LOC128092252: variants seen among roughly 807,000 people sequenced by gnomAD.
the LOC128092252 span, among the ~76,000 whole-genome samples, chr15:50,673,725 G>A: frequency 3.3e-5 from 5 of 151,924 alleles, no homozygotes; most frequent in African/African-American, 9.7e-5. Flanking sequence ...TATGAATTAC[G>A]CTGCTATAAA....
At chr15:50,673,629 C>A in the LOC128092252 span, among the ~76,000 whole-genome samples, 1 of 149,446 alleles carries the variant, frequency 6.7e-6, no homozygotes, top group African/African-American at 2.6e-5. Context: ...GAGAAGTATT[C>A]CCTCGTATAT....
chr15:50,648,912 ACCCTTC>A, the LOC128092252 span: 2 of 1,529,856 alleles, frequency 1.3e-6, no homozygotes, highest in Admixed American at 2.0e-5. Flanking sequence ...AGATTAAAAC[ACCCTTC>A]AAAAAATTAG....
the LOC128092252 span, chr15:50,686,643 G>A: frequency 6.9e-7 from 1 of 1,456,914 alleles, no homozygotes. Flanking sequence ...GAGGCCGCCG[G>A]ACAAGGAACG....
At chr15:50,680,177 G>A in the LOC128092252 span, among the ~76,000 whole-genome samples, 5 of 150,322 alleles carry the variant, frequency 3.3e-5, no homozygotes, top group Non-Finnish European at 7.4e-5. Context: ...GAGGCTGCAG[G>A]GAGCTGAGAT....
the LOC128092252 span, among the ~76,000 whole-genome samples, chr15:50,668,056 T>G: frequency 1.3e-5 from 2 of 152,236 alleles, no homozygotes; most frequent in South Asian, 4.1e-4. Flanking sequence ...AATCGTGTCT[T>G]TGACTATGGC....
the LOC128092252 span, among the ~76,000 whole-genome samples, chr15:50,680,862 C>T: frequency 6.6e-6 from 1 of 152,188 alleles, no homozygotes; most frequent in Non-Finnish European, 1.5e-5. Flanking sequence ...ACTTATTAGC[C>T]TTGTGACCGT....
chr15:50,686,670 C>T, the LOC128092252 span: 1 of 1,203,014 alleles, frequency 8.3e-7, no homozygotes, highest in Non-Finnish European at 1.2e-6. Context: ...GAAACCTTCT[C>T]AGAACTAACT....
chr15:50,651,148 C>T, the LOC128092252 span, among the ~76,000 whole-genome samples: 1 of 152,190 alleles, frequency 6.6e-6, no homozygotes, highest in African/African-American at 2.4e-5. Flanking sequence ...TATGGTGCCA[C>T]TGCACTCCAG....
the LOC128092252 span, among the ~76,000 whole-genome samples, chr15:50,686,291 G>A: frequency 6.6e-6 from 1 of 152,218 alleles, no homozygotes; most frequent in Non-Finnish European, 1.5e-5. Flanking sequence ...TGGGAGCCGA[G>A]TCTCGGCTCA....
chr15:50,684,187 C>T, the LOC128092252 span, among the ~76,000 whole-genome samples: 11 of 150,582 alleles, frequency 7.3e-5, no homozygotes, highest in Admixed American at 6.6e-4. Context: ...GAGTCTCACT[C>T]TGTCACCCAG....
chr15:50,657,542 G>A, the LOC128092252 span, among the ~76,000 whole-genome samples: 1 of 152,060 alleles, frequency 6.6e-6, no homozygotes, highest in Non-Finnish European at 1.5e-5. Context: ...TGCTCTCGCT[G>A]CCTAAAATTC....
chr15:50,678,239 CAAAAAA>C, the LOC128092252 span, among the ~76,000 whole-genome samples: 39 of 92,102 alleles, frequency 4.2e-4, 1 homozygote, highest in African/African-American at 1.2e-3. Context: ...GACTCTCTCT[CAAAAAA>C]AAAAAACAAA....
the LOC128092252 span, among the ~76,000 whole-genome samples, chr15:50,667,679 C>A: frequency 2.6e-5 from 4 of 152,070 alleles, no homozygotes; most frequent in African/African-American, 9.7e-5. Context: ...TGCACTCCAG[C>A]CTGGGCAACA....
chr15:50,657,762 A>G, the LOC128092252 span: 1 of 1,609,726 alleles, frequency 6.2e-7, no homozygotes. Context: ...TTTGTGCGGT[A>G]TAGTTATGTT....
chr15:50,673,885 T>C, the LOC128092252 span, among the ~76,000 whole-genome samples: 5 of 152,228 alleles, frequency 3.3e-5, no homozygotes, highest in African/African-American at 1.2e-4. Flanking sequence ...ACCAGCAGTG[T>C]AGAAGTGTTC....
chr15:50,668,393 T>G, the LOC128092252 span, among the ~76,000 whole-genome samples: 1 of 152,244 alleles, frequency 6.6e-6, no homozygotes, highest in African/African-American at 2.4e-5. Context: ...TATTAACAAT[T>G]GAGTAAAGTA....
the LOC128092252 span, among the ~76,000 whole-genome samples, chr15:50,653,266 T>C: frequency 6.6e-6 from 1 of 152,260 alleles, no homozygotes; most frequent in Admixed American, 6.5e-5. Flanking sequence ...GCCTTGGCAA[T>C]ATAGTGAGAC....
At chr15:50,650,192 CAAAAAAAAAAAAAAAAAA>C in the LOC128092252 span, among the ~76,000 whole-genome samples, 1 of 62,292 alleles carries the variant, frequency 1.6e-5, no homozygotes, top group Middle Eastern at 0.011. Flanking sequence ...GACTTTGTCT[CAAAAAAAAAAAAAAAAAA>C]AAAAAAAAAA....
At chr15:50,678,539 T>TAC in the LOC128092252 span, among the ~76,000 whole-genome samples, 11 of 138,160 alleles carry the variant, frequency 8.0e-5, no homozygotes, top group East Asian at 2.1e-4. Context: ...TATATATATA[T>TAC]ATACACACAC....
Sources: gnomAD v4.1 joint callset for allele counts (sites outside exome capture counted in the v4.1 genomes callset) on GRCh38, gnomAD v4.1.1 for gene constraint, MANE v1.5 for transcripts.